STK39: variants seen among roughly 807,000 people sequenced by gnomAD.
STK39 encodes the protein STE20/SPS1-related proline-alanine-rich protein kinase.
In STK39, 20 loss-of-function variants were observed where a neutral mutation model predicts 77.8. The ratio of observed to expected loss-of-function variants is 0.26; its 90% CI spans 0.18 to 0.37. The LOEUF (loss-of-function observed/expected upper bound fraction) is 0.37, where lower values mean the gene tolerates loss of function less well. STK39 is among the 10% of genes least tolerant of loss of function. The pLI, the probability that STK39 is intolerant of heterozygous loss-of-function variation, is 1.00. For synonymous variants in STK39, 246 were observed against 234.1 expected, an observed-to-expected ratio of 1.05 and a Z score of -0.47; for missense variants, 479 against 656.5, an observed-to-expected ratio of 0.73 and a Z score of 2.95.
intron 14 of STK39, among the ~76,000 whole-genome samples, chr2:168,053,310 C>G (rs949580859): frequency 6.6e-6 from 1 of 151,774 alleles, no homozygotes; most frequent in Non-Finnish European, 1.5e-5. Flanking sequence ...GACATACTAC[C>G]AAAGTAAACA....
At chr2:168,045,019 C>T (rs146085330) in intron 14 of STK39, among the ~76,000 whole-genome samples, 63 of 152,070 alleles carry the variant, frequency 4.1e-4, no homozygotes, top group African/African-American at 1.5e-3. Context: ...CTCCTTGTAA[C>T]TTCTGTTGAA....
Position 168,186,855 on chromosome 2 carries a change from C to T in STK39, c.209-4765G>A, listed in dbSNP as rs543565898. On this transcript the variant is annotated intron_variant, in intron 1 of 17. Coordinates refer to ENST00000355999, the MANE Select transcript of STK39 (RefSeq NM_013233.3). ...GAACTGAGTTTCATTTTGCTTAGCA[C>T]CAGGAAGATTAGACTGGTTTAAAAG... Among the ~76,000 whole-genome samples, 8 of 152,032 alleles carry T rather than the reference C, an allele frequency of 5.3e-5. No homozygotes were observed. In the South Asian group the frequency reaches 1.7e-3, roughly 32 times the overall value.
At chr2:168,025,058 T>G (rs1198599492) in intron 14 of STK39, among the ~76,000 whole-genome samples, 1 of 152,148 alleles carries the variant, frequency 6.6e-6, no homozygotes, top group Non-Finnish European at 1.5e-5. Flanking sequence ...TAATACCACC[T>G]CCTTCTGGTC....
At chr2:168,239,772 C>T (rs996838864) in intron 1 of STK39, among the ~76,000 whole-genome samples, 1 of 152,184 alleles carries the variant, frequency 6.6e-6, no homozygotes, top group Non-Finnish European at 1.5e-5. Context: ...ACTTAACAGT[C>T]TAGAGCCAGG....
intron 14 of STK39, among the ~76,000 whole-genome samples, chr2:168,044,191 A>G (rs1013135349): frequency 1.3e-5 from 2 of 152,322 alleles, no homozygotes. Flanking sequence ...TCCTTGCAAT[A>G]CTGTTGAGTA....
At chr2:168,073,100 G>A (rs984996675) in intron 12 of STK39, among the ~76,000 whole-genome samples, 2 of 152,158 alleles carry the variant, frequency 1.3e-5, no homozygotes, top group Non-Finnish European at 2.9e-5. Flanking sequence ...TCCCATTTAA[G>A]AAGGTCAGTA....
At chr2:168,067,372 A>G (rs116376338) in intron 12 of STK39, among the ~76,000 whole-genome samples, 1 of 152,242 alleles carries the variant, frequency 6.6e-6, no homozygotes, top group African/African-American at 2.4e-5. Context: ...AGATTTGGTC[A>G]TTTAAAAGTG....
intron 1 of STK39, among the ~76,000 whole-genome samples, chr2:168,196,624 C>T (rs1357461370): frequency 6.6e-6 from 1 of 152,144 alleles, no homozygotes; most frequent in Non-Finnish European, 1.5e-5. Flanking sequence ...CCACTGCACT[C>T]CAGAGCAAGA....
At chr2:168,182,353 T>C (rs1428808656) in intron 1 of STK39, among the ~76,000 whole-genome samples, 2 of 152,136 alleles carry the variant, frequency 1.3e-5, no homozygotes, top group Non-Finnish European at 2.9e-5. Flanking sequence ...CAACCTTGCA[T>C]GAAAGCCATT....
rs181012462 is a variant in STK39, at chr2:168,032,842, T to C, written c.1377-15747A>G. 3.2e-3 allele frequency among the ~76,000 whole-genome samples: 490 copies of C among 152,372 alleles called. 6 individuals carry two copies. The highest frequency in any genetic ancestry group is 0.011 in the African/African-American group (451 of 41,592). On this transcript the variant is annotated intron_variant, in intron 14 of 17. Coordinates refer to ENST00000355999, the MANE Select transcript of STK39 (RefSeq NM_013233.3). ...GGTAACATATAGGAGAGCTTTCCTC[T>C]ATGTCTGAGGCAAAATAAAATAACC...
intron 16 of STK39, among the ~76,000 whole-genome samples, chr2:168,010,739 G>C (rs1391143376): frequency 6.6e-6 from 1 of 152,108 alleles, no homozygotes; most frequent in African/African-American, 2.4e-5. Context: ...AGGTATCTTT[G>C]TATCTGCATT....
chr2:167,984,123 T>G (rs1208973065), intron 16 of STK39, among the ~76,000 whole-genome samples: 1 of 152,220 alleles, frequency 6.6e-6, no homozygotes, highest in Non-Finnish European at 1.5e-5. Context: ...GGACTATGAT[T>G]ATTCAGTTAT....
At chr2:167,970,321 A>G (rs750976925) in intron 16 of STK39, among the ~76,000 whole-genome samples, 31 of 152,184 alleles carry the variant, frequency 2.0e-4, no homozygotes, top group Non-Finnish European at 3.8e-4. Flanking sequence ...GTTCACTACT[A>G]TGCTCCCAGT....
chr2:167,972,997 G>T (rs575149216), intron 16 of STK39, among the ~76,000 whole-genome samples: 1 of 152,122 alleles, frequency 6.6e-6, no homozygotes, highest in Non-Finnish European at 1.5e-5. Context: ...GTTCTTCCAA[G>T]GACTCCACCC....
At chr2:168,167,433 A>G (rs747527252) in intron 2 of STK39, 26 bp from the exon 3 acceptor site, 1 of 1,601,034 alleles carries the variant, frequency 6.2e-7, no homozygotes, top group South Asian at 1.1e-5. Flanking sequence ...AACATGACAT[A>G]GTACCATGGG....
rs149800455 is a variant in STK39 at position 167,980,508 on chromosome 2, G to A, written c.1499-15782C>T. ...AAAATTAATGAGATAGTAAATCTAC[G>A]GATATGAGGAATGCTACCTAAATTA... On this transcript the variant is annotated intron_variant, in intron 16 of 17. Coordinates refer to ENST00000355999, the MANE Select transcript of STK39 (RefSeq NM_013233.3). 6.8e-3 allele frequency among the ~76,000 whole-genome samples: 1,031 copies of A among 152,298 alleles called. 6 individuals are homozygous for A. Among genetic ancestry groups the A allele is most frequent in the Middle Eastern group, 0.044 (13 of 294 alleles).
chr2:168,161,996 T>C (rs1008563865), intron 4 of STK39, among the ~76,000 whole-genome samples, 154 bp from the exon 5 acceptor site: 5 of 152,138 alleles, frequency 3.3e-5, no homozygotes, highest in East Asian at 1.9e-4. Flanking sequence ...TTAAAAGTTA[T>C]AAGGATAGGC....
chr2:168,238,694 G>T (rs990969629), intron 1 of STK39, among the ~76,000 whole-genome samples: 3 of 152,134 alleles, frequency 2.0e-5, no homozygotes. Context: ...TATCTAAATC[G>T]ACTCTAGAAA....
At chr2:167,977,912 G>A (rs1683322562) in intron 16 of STK39, among the ~76,000 whole-genome samples, 1 of 152,176 alleles carries the variant, frequency 6.6e-6, no homozygotes, top group African/African-American at 2.4e-5. Flanking sequence ...AGCATTTGGG[G>A]TTGCAGTTTT....
Sources: allele counts gnomAD v4.1 joint callset (sites outside exome capture counted in the v4.1 genomes callset), GRCh38; gene constraint gnomAD v4.1.1; transcripts MANE v1.5; gene names NCBI Gene and HGNC (gene_info 2026-07-23, HGNC 2026-07-21).